The following MSRA variants were observed in gnomAD, a reference collection of about 807,000 sequenced individuals.
MSRA encodes the protein methionine sulfoxide reductase A, also known as mitochondrial peptide methionine sulfoxide reductase.
In MSRA, 54 loss-of-function variants were observed where a neutral mutation model predicts 31.3. That is an observed-to-expected ratio of 1.73 (90% CI 1.39 to 2.17). MSRA has a LOEUF of 2.17. Among genes scored for constraint, MSRA ranks in the 30% most tolerant of loss-of-function variants. MSRA has a pLI of 0.00. For missense variants in MSRA, 507 were observed against 300.9 expected (o/e 1.69, Z -5.07); for synonymous variants, 169 against 116.5 (o/e 1.45, Z -2.90).
rs1020149467 is a variant in MSRA at position 10,054,993 on chromosome 8, C to T, written c.142+335C>T. Among the ~76,000 whole-genome samples the T allele has an allele frequency of 4.6e-5, 7 of 152,314 alleles. No individual in the cohort carries two copies. In the East Asian group the frequency reaches 9.7e-4, roughly 21 times the overall value. Reference sequence around the variant, plus strand: ...TGTGCCGCTGGGGTCTGGCCTTGCTCGCGGGCGCCCGCGGCGCTGTGCCTG... The same window carrying T: ...TGTGCCGCTGGGGTCTGGCCTTGCTTGCGGGCGCCCGCGGCGCTGTGCCTG... On this transcript the variant is annotated intron_variant, in intron 1 of 5. Coordinates refer to ENST00000317173, the MANE Select transcript of MSRA (RefSeq NM_012331.5).
At chr8:10,420,087 G>A (rs1436942394) in intron 5 of MSRA, among the ~76,000 whole-genome samples, 1 of 152,110 alleles carries the variant, frequency 6.6e-6, no homozygotes, top group Non-Finnish European at 1.5e-5. Context: ...TACGTAGAGT[G>A]GAATAGTGTG....
chr8:10,347,484 G>C (rs1015405355), intron 5 of MSRA, among the ~76,000 whole-genome samples: 1 of 152,114 alleles, frequency 6.6e-6, no homozygotes, highest in Non-Finnish European at 1.5e-5. Flanking sequence ...AGCTATCAGT[G>C]GGTCCCCATC....
chr8:10,173,731 C>G (rs1585091983), intron 1 of MSRA, among the ~76,000 whole-genome samples: 1 of 152,324 alleles, frequency 6.6e-6, no homozygotes, highest in East Asian at 1.9e-4. Context: ...GCAGCCCCTT[C>G]TTTGTCACTG....
intron 1 of MSRA, among the ~76,000 whole-genome samples, chr8:10,127,360 T>C (rs1156880965): frequency 2.0e-5 from 3 of 152,246 alleles, no homozygotes; most frequent in Non-Finnish European, 4.4e-5. Context: ...TTCTTCTTTT[T>C]ACAGTGTGTG....
At chr8:10,375,753 G>T (rs957869851) in intron 5 of MSRA, among the ~76,000 whole-genome samples, 1 of 152,162 alleles carries the variant, frequency 6.6e-6, no homozygotes, top group Non-Finnish European at 1.5e-5. Flanking sequence ...TTGCTTCGGG[G>T]GTTGAAACCA....
chr8:10,153,998 G>A (rs142935124), intron 1 of MSRA, among the ~76,000 whole-genome samples: 1 of 152,164 alleles, frequency 6.6e-6, no homozygotes, highest in Non-Finnish European at 1.5e-5. Flanking sequence ...ATGCCTTGTG[G>A]TCAAAGTTTA....
intron 3 of MSRA, among the ~76,000 whole-genome samples, chr8:10,280,248 G>C (rs1263914846): frequency 6.6e-6 from 1 of 151,438 alleles, no homozygotes; most frequent in Non-Finnish European, 1.5e-5. Flanking sequence ...AGTGTTCTAT[G>C]CTTCATTAAC....
chr8:10,290,162 G>A (rs914410748), intron 3 of MSRA, among the ~76,000 whole-genome samples: 7 of 152,146 alleles, frequency 4.6e-5, no homozygotes, highest in Admixed American at 6.5e-5. Flanking sequence ...TTACTTGCCC[G>A]TAGTAAATGC....
intron 5 of MSRA, chr8:10,353,535 C>A (rs1022145061): frequency 2.2e-6 from 1 of 449,930 alleles, no homozygotes; most frequent in South Asian, 1.6e-5. Flanking sequence ...CTGCAGAGCA[C>A]GACACCTGAC....
chr8:10,189,591 T>C (rs577701290), intron 1 of MSRA, among the ~76,000 whole-genome samples: 2 of 152,344 alleles, frequency 1.3e-5, no homozygotes, highest in South Asian at 4.1e-4. Context: ...TTTATTGAGT[T>C]GATCAGATTT....
intron 5 of MSRA, among the ~76,000 whole-genome samples, chr8:10,390,817 T>TA (rs924905738): frequency 3.4e-4 from 52 of 150,962 alleles, no homozygotes; most frequent in African/African-American, 9.2e-4. Flanking sequence ...CTACTAAAAA[T>TA]AAAAAAAAAT....
At chr8:10,238,184 G>T (rs571474274) in intron 2 of MSRA, among the ~76,000 whole-genome samples, 1 of 152,216 alleles carries the variant, frequency 6.6e-6, no homozygotes, top group South Asian at 2.1e-4. Flanking sequence ...GCCCCTGTAG[G>T]ACTGCTTTCT....
At chr8:10,422,287 G>C (rs938319777) in intron 5 of MSRA, among the ~76,000 whole-genome samples, 2 of 152,058 alleles carry the variant, frequency 1.3e-5, no homozygotes, top group African/African-American at 4.8e-5. Flanking sequence ...CCCTGTCTCA[G>C]CAACAGAAAA....
At chr8:10,348,357 C>CTTTTTTTTTTTTTTTT (rs34083972) in intron 5 of MSRA, among the ~76,000 whole-genome samples, 2 of 64,240 alleles carry the variant, frequency 3.1e-5, no homozygotes, top group African/African-American at 6.6e-5. Context: ...AAATTATTGC[C>CTTTTTTTTTTTTTTTT]TTTTTTTTTT....
At chr8:10,263,587 G>T (rs749540946) in intron 3 of MSRA, among the ~76,000 whole-genome samples, 2 of 152,170 alleles carry the variant, frequency 1.3e-5, no homozygotes, top group African/African-American at 4.8e-5. Flanking sequence ...TCCTTCTTCA[G>T]TCTTCTCTCT....
At chr8:10,071,979 C>T (rs567128194) in intron 1 of MSRA, among the ~76,000 whole-genome samples, 1 of 152,098 alleles carries the variant, frequency 6.6e-6, no homozygotes, top group Non-Finnish European at 1.5e-5. Context: ...CCAGGGGTCC[C>T]TCGTGGCTGC....
At chr8:10,141,490 C>A (rs930046280) in intron 1 of MSRA, among the ~76,000 whole-genome samples, 7 of 152,342 alleles carry the variant, frequency 4.6e-5, no homozygotes, top group African/African-American at 1.7e-4. Flanking sequence ...CTTCATCTAA[C>A]CACTAGAAGT....
At chr8:10,357,455 A>C (rs2129162773) in intron 5 of MSRA, among the ~76,000 whole-genome samples, 1 of 152,308 alleles carries the variant, frequency 6.6e-6, no homozygotes, top group African/African-American at 2.4e-5. Flanking sequence ...ATGGATTTAC[A>C]CACATTTGAT....
At chr8:10,143,899 G>T (rs1378005494) in intron 1 of MSRA, among the ~76,000 whole-genome samples, 1 of 152,102 alleles carries the variant, frequency 6.6e-6, no homozygotes, top group Non-Finnish European at 1.5e-5. Context: ...CATCGATTTT[G>T]TAGATTCTTG....
Sources: allele counts gnomAD v4.1 joint callset (sites outside exome capture counted in the v4.1 genomes callset), GRCh38; gene constraint gnomAD v4.1.1; transcripts MANE v1.5; gene names NCBI Gene and HGNC (gene_info 2026-07-23, HGNC 2026-07-21).